SH3BP4: variants seen among roughly 807,000 people sequenced by gnomAD.
SH3BP4 encodes SH3 domain binding protein 4.
SH3BP4 carries 33 observed loss-of-function variants against 65.5 expected under a neutral mutation model. The ratio of observed to expected loss-of-function variants is 0.50; its 90% confidence interval spans 0.38 to 0.67. SH3BP4 has a LOEUF of 0.67. SH3BP4 is among the 30% of genes least tolerant of loss of function. The pLI is 0.00. For synonymous variants in SH3BP4, 552 were observed against 545.5 expected (o/e 1.01, Z -0.17); for missense variants, 1,134 against 1,261.4 (o/e 0.90, Z 1.53).
chr2:235,046,032 T>C lies in SH3BP4; in HGVS notation c.2478+2785T>C, dbSNP rs982843913. ...CTGCCCCACAAAGTCGTGTAAGATC[T>C]GGCCCTACCCATCCCAACCCTGGGG... On this transcript the variant is annotated intron_variant, in intron 4 of 5. Coordinates refer to ENST00000392011, the MANE Select transcript of SH3BP4 (RefSeq NM_014521.3). This position sits in a 1 kb window ranked among gnomAD's most constrained non-coding sequence, Gnocchi z 4.2. Among the ~76,000 whole-genome samples the C allele has an allele frequency of 6.6e-6, 1 of 152,182 alleles. No individual in the cohort carries two copies. The highest frequency in any genetic ancestry group is 1.5e-5 in the Non-Finnish European group (1 of 68,028).
intron 1 of SH3BP4, among the ~76,000 whole-genome samples, chr2:234,987,695 C>A (rs75960966): frequency 2.6e-5 from 4 of 152,244 alleles, no homozygotes; most frequent in African/African-American, 4.8e-5. Flanking sequence ...ATTTTCGAAA[C>A]CTTGGATTAA....
At chr2:234,971,319 C>A (rs1692994243) in intron 1 of SH3BP4, among the ~76,000 whole-genome samples, 1 of 152,164 alleles carries the variant, frequency 6.6e-6, no homozygotes, top group South Asian at 2.1e-4. Flanking sequence ...CATGCTGTGG[C>A]CTATCATGTT....
rs761249162 is a variant in SH3BP4, at chr2:235,035,019, TCCGAG to T, written c.19_23del (p.Arg7GlyfsTer17). On this transcript the variant is annotated frameshift_variant, in exon 3 of 6. Transcript: ENST00000392011. LOFTEE classifies it high-confidence loss of function. This position sits in a 1 kb window ranked among gnomAD's most constrained non-coding sequence, Gnocchi z 5.0. ...AGTTTCGAGATGGCGGCTCAGCGGATCCGAGCGGCCAACTCCAATGGCCTCCCTCG... is the reference window on the plus strand; with the variant it reads ...AGTTTCGAGATGGCGGCTCAGCGGATCGGCCAACTCCAATGGCCTCCCTCG... 2.5e-6 allele frequency: 4 copies of T among 1,613,924 alleles called. No individual in the cohort carries two copies. The highest frequency in any genetic ancestry group is 3.4e-6 in the Non-Finnish European group (4 of 1,179,966).
intron 4 of SH3BP4, among the ~76,000 whole-genome samples, chr2:235,051,022 T>G (rs1253481327): frequency 2.0e-5 from 3 of 152,168 alleles, no homozygotes; most frequent in Admixed American, 6.5e-5. Flanking sequence ...CTCAGGCCAC[T>G]GTGCCCTGGA....
intron 1 of SH3BP4, among the ~76,000 whole-genome samples, chr2:234,970,635 T>C (rs911872647): frequency 1.2e-4 from 19 of 152,240 alleles, no homozygotes; most frequent in Non-Finnish European, 2.8e-4. Flanking sequence ...GTCACCCTCC[T>C]TTCCTGGAGC....
At chr2:235,049,646 T>C (rs1021156048) in intron 4 of SH3BP4, among the ~76,000 whole-genome samples, 5 of 152,236 alleles carry the variant, frequency 3.3e-5, no homozygotes, top group Non-Finnish European at 5.9e-5. Context: ...ATTTAATTTT[T>C]TAAAACAATT....
In SH3BP4 at chr2:235,041,092, A is replaced by T; in HGVS notation, c.323A>T (p.Tyr108Phe). The change falls in exon 4 of 6, where the codon TAT (tyrosine) becomes TTT (phenylalanine). Residue 108 changes from tyrosine (Y) to phenylalanine (F), a missense_variant. Coordinates refer to ENST00000392011, the MANE Select transcript of SH3BP4 (RefSeq NM_014521.3). This position sits in a 1 kb window ranked among gnomAD's most constrained non-coding sequence, Gnocchi z 6.0. ...TTEMGYIPSS[Y>F]VQPLNYRNST... ...GAAATGGGCTACATCCCCTCCTCCT[A>T]TGTGCAGCCCTTGAACTACCGGAAC... 6.2e-7 allele frequency: 1 copy of T among 1,614,006 alleles called. No homozygotes were observed. The highest frequency in any genetic ancestry group is 8.5e-7 in the Non-Finnish European group (1 of 1,179,956).
chr2:235,033,761 G>T lies in SH3BP4; in HGVS notation c.-132-1110G>T, dbSNP rs1669684489. 6.6e-6 allele frequency among the ~76,000 whole-genome samples: 1 copy of T among 152,096 alleles called. No homozygotes were observed. The highest frequency in any genetic ancestry group is 1.5e-5 in the Non-Finnish European group (1 of 68,012). ...CACATGGAGCCTGGGGGAAGAGTGG[G>T]GATGGTCAGGGCTCCCACCCGGCTG... On this transcript the variant is annotated intron_variant, in intron 2 of 5. Transcript: ENST00000392011. The surrounding 1 kb of genome is among the most constrained non-coding windows in gnomAD (Gnocchi z 5.7).
intron 1 of SH3BP4, among the ~76,000 whole-genome samples, chr2:234,983,632 T>A (rs1693458147): frequency 6.6e-6 from 1 of 152,214 alleles, no homozygotes; most frequent in African/African-American, 2.4e-5. Context: ...CATTGAAGGC[T>A]CTTGAGATGG....
Position 235,052,263 on chromosome 2 carries a change from A to AC in SH3BP4, c.2479-297dup, listed in dbSNP as rs750312619. On this transcript the variant is annotated intron_variant, in intron 4 of 5. Transcript: ENST00000392011. This position sits in a 1 kb window ranked among gnomAD's most constrained non-coding sequence, Gnocchi z 5.0. ...TGGTGACTTCCTCTAATCCAGAGGG[A>AC]CCTCATCTTAATTCTATCTGCAAAG... Among the ~76,000 whole-genome samples, 68 of 151,884 alleles carry AC rather than the reference A, an allele frequency of 4.5e-4. No individual in the cohort carries two copies. Among genetic ancestry groups the AC allele is most frequent in the Non-Finnish European group, 8.4e-4 (57 of 67,958 alleles).
At chr2:235,006,883 C>T (rs1263241956) in intron 2 of SH3BP4, among the ~76,000 whole-genome samples, 1 of 152,016 alleles carries the variant, frequency 6.6e-6, no homozygotes, top group Non-Finnish European at 1.5e-5. Context: ...GGCTGATGCA[C>T]CTGGTGTTTA....
intron 1 of SH3BP4, among the ~76,000 whole-genome samples, chr2:234,969,917 TCACACA>T (rs961128034): frequency 7.0e-6 from 1 of 143,522 alleles, no homozygotes; most frequent in Non-Finnish European, 1.5e-5. Context: ...ACACACTCTG[TCACACA>T]CACACATTTG....
chr2:234,972,316 TAG>T (rs1693025978), intron 1 of SH3BP4, among the ~76,000 whole-genome samples: 1 of 152,018 alleles, frequency 6.6e-6, no homozygotes, highest in South Asian at 2.1e-4. Flanking sequence ...ATTTTTTTAG[TAG>T]AGACAGGGCT....
intron 4 of SH3BP4, among the ~76,000 whole-genome samples, chr2:235,047,731 T>A (rs1192371324): frequency 1.3e-5 from 2 of 152,118 alleles, no homozygotes; most frequent in African/African-American, 4.8e-5. Context: ...GAGTGAGCTG[T>A]CACAACTGGT....
In SH3BP4 at chr2:235,053,777, C is replaced by T. The variant is rs764245963; in HGVS notation, c.2853C>T (p.Ala951=). 18 of 1,614,104 alleles carry T rather than the reference C, an allele frequency of 1.1e-5. No homozygotes were observed. The highest frequency in any genetic ancestry group is 1.4e-5 in the Non-Finnish European group (17 of 1,180,058). Residue 951 remains alanine, a synonymous_variant, in exon 6 of 6, where the codon GCC becomes GCT. Transcript: ENST00000392011. ...LVNSLDVLRA[A]AFSPADQDDF... The stretch of plus-strand genomic sequence containing the variant: ...ACTCCCTGGACGTTCTGAGAGCAGC[C>T]GCCTTCAGCCCTGCGGACCAGGACG...
chr2:234,987,768 A>G (rs1352120525), intron 1 of SH3BP4, among the ~76,000 whole-genome samples: 1 of 152,224 alleles, frequency 6.6e-6, no homozygotes, highest in African/African-American at 2.4e-5. Flanking sequence ...GTGAGGCTCC[A>G]GAAGTGATTG....
chr2:235,031,501 T>G (rs1308526576), intron 2 of SH3BP4, among the ~76,000 whole-genome samples: 9 of 152,306 alleles, frequency 5.9e-5, no homozygotes, highest in Non-Finnish European at 1.2e-4. Context: ...AGAGTTCTCC[T>G]CCTCAATCGG....
rs1230217799 is a variant in SH3BP4 at position 234,952,245 on chromosome 2, G to C, written c.-207+75G>C. 6.6e-6 allele frequency: 1 copy of C among 150,424 alleles called. No individual in the cohort carries two copies. Among genetic ancestry groups the C allele is most frequent in the African/African-American group, 2.4e-5 (1 of 41,180 alleles). The allele number at this position is 150,424 out of a possible 1,614,324, so 9.3% of individuals were successfully genotyped here. A position where few individuals can be genotyped will look rare whatever the true frequency, so the allele number is the denominator to read the frequency against. On this transcript the variant is annotated intron_variant, in intron 1 of 5. Coordinates refer to ENST00000392011, the MANE Select transcript of SH3BP4 (RefSeq NM_014521.3). This position sits in a 1 kb window ranked among gnomAD's most constrained non-coding sequence, Gnocchi z 6.5. ...CGGCGGGGGCGCGGGGTCGTGCTCG[G>C]GGGCTTTGCACTCCCTTGCGGGCGC...
rs1693111224 is a variant in SH3BP4 at position 234,974,528 on chromosome 2, G to T, written c.-206-20775G>T. ...AGGAGTATCCTGCATCCCACCACAG[G>T]ATGTGCTGAGTCCACTTGGAAGCCC... On this transcript the variant is annotated intron_variant, in intron 1 of 5. Transcript: ENST00000392011. The surrounding 1 kb of genome is among the most constrained non-coding windows in gnomAD (Gnocchi z 4.6). Among the ~76,000 whole-genome samples, 1 of 152,172 alleles carries T rather than the reference G, an allele frequency of 6.6e-6. No individual in the cohort carries two copies. Among genetic ancestry groups the T allele is most frequent in the South Asian group, 2.1e-4 (1 of 4,820 alleles).
Sources: gnomAD v4.1 joint callset for allele counts (sites outside exome capture counted in the v4.1 genomes callset) on GRCh38, gnomAD v4.1.1 for gene constraint, Gnocchi (gnomAD v3.1) non-coding constraint, MANE v1.5 for transcripts, NCBI Gene and HGNC (gene_info 2026-07-23, HGNC 2026-07-21) for gene names.